The following COPS8 variants were observed in gnomAD, a reference collection of about 807,000 sequenced individuals.
The protein encoded by COPS8 is COP9 signalosome complex subunit 8.
A neutral mutation model predicts 31.5 loss-of-function variants in COPS8; 11 were observed. The ratio of observed to expected loss-of-function variants is 0.35; its 90% CI spans 0.22 to 0.58. COPS8 has a LOEUF of 0.58. COPS8 is among the 20% of genes least tolerant of loss of function. The pLI is 0.83. For synonymous variants in COPS8, 81 were observed against 89.3 expected (o/e 0.91, Z 0.52); for missense variants, 215 against 255.1 (o/e 0.84, Z 1.07).
At position 237,099,610 on chromosome 2, in the gene COPS8, T is replaced by C. The variant is rs1002846757; in HGVS notation, c.*1868T>C. 6.6e-6 allele frequency: 1 copy of C among 152,148 alleles called. No homozygotes were observed. The highest frequency in any genetic ancestry group is 2.4e-5 in the African/African-American group (1 of 41,412). 9.4% of individuals were successfully genotyped at this position (152,148 alleles called of 1,614,324 possible). ...GACATGGAAACCTCATTATATGCTT[T>C]ATTTTTCTTTGTAAACAGTAAATAT... On this transcript the variant is annotated 3_prime_UTR_variant, in exon 8 of 8. Transcript: ENST00000354371.
At chr2:237,086,359 T>C (rs1317296369) in intron 1 of COPS8, among the ~76,000 whole-genome samples, 1 of 151,950 alleles carries the variant, frequency 6.6e-6, no homozygotes, top group Admixed American at 6.6e-5. Flanking sequence ...TGGGAGAGGG[T>C]AGTAAAGTGG....
rs62184774 is a variant in COPS8 at position 237,093,308 on chromosome 2, A to T, written c.332-782A>T. ...GTTAGGGTGTTTGTTTTACATATGT[A>T]CACTGGCCTATTAAATATGGAAAGT... On this transcript the variant is annotated intron_variant, in intron 4 of 7. Coordinates refer to ENST00000354371, the MANE Select transcript of COPS8 (RefSeq NM_006710.5). Among the ~76,000 whole-genome samples the T allele has an allele frequency of 5.5e-3, 839 of 152,368 alleles. 4 individuals carry two copies. Among genetic ancestry groups the T allele is most frequent in the Admixed American group, 0.012 (188 of 15,310 alleles).
chr2:237,098,642 T>C lies in COPS8; in HGVS notation c.*900T>C, dbSNP rs1454978667. 6.6e-6 allele frequency: 1 copy of C among 152,232 alleles called. No homozygotes were observed. Among genetic ancestry groups the C allele is most frequent in the Non-Finnish European group, 1.5e-5 (1 of 68,042 alleles). 9.4% of individuals were successfully genotyped at this position (152,232 alleles called of 1,614,324 possible). A position where few individuals can be genotyped will look rare whatever the true frequency, so the allele number is the denominator to read the frequency against. The stretch of plus-strand genomic sequence containing the variant: ...TTGTAACTTAAGGTTATAACAGCCC[T>C]TAGTTCATTTACTCTGCATTTGTTC... On this transcript the variant is annotated 3_prime_UTR_variant, in exon 8 of 8. Transcript: ENST00000354371.
intron 4 of COPS8, chr2:237,093,589 C>A: frequency 1.5e-6 from 1 of 658,716 alleles, no homozygotes; most frequent in Non-Finnish European, 1.9e-6. Context: ...GGATTTTGAA[C>A]CTTAATTCAG....
intron 2 of COPS8, chr2:237,087,522 G>T: frequency 3.2e-6 from 1 of 316,816 alleles, no homozygotes; most frequent in Non-Finnish European, 6.5e-6. Flanking sequence ...CAAAAGAAGT[G>T]AAAAGAGAAG....
At position 237,094,082 on chromosome 2, in the gene COPS8, C is replaced by A; in HGVS notation, c.332-8C>A. The A allele has an allele frequency of 6.2e-7, 1 of 1,612,448 alleles. No homozygotes were observed. The highest frequency in any genetic ancestry group is 8.5e-7 in the Non-Finnish European group (1 of 1,179,154). On this transcript the variant is annotated splice_polypyrimidine_tract_variant and splice_region_variant and intron_variant, in intron 4 of 7. Coordinates refer to ENST00000354371, the MANE Select transcript of COPS8 (RefSeq NM_006710.5). Reference sequence around the variant, plus strand: ...TCACTCTCTGCCAACCCACCACTCCCACAATAGATGCAACAAGGAGACGCG... The same window carrying A: ...TCACTCTCTGCCAACCCACCACTCCAACAATAGATGCAACAAGGAGACGCG...
At chr2:237,094,257 G>A in intron 5 of COPS8, 60 bp downstream of exon 5, 1 of 1,454,018 alleles carries the variant, frequency 6.9e-7, no homozygotes, top group Non-Finnish European at 9.6e-7. Context: ...TGAATTGTAG[G>A]TTCACAGTCT....
chr2:237,094,138 C>G lies in COPS8; in HGVS notation c.380C>G (p.Ser127Ter). 6.2e-7 allele frequency: 1 copy of G among 1,614,052 alleles called. No individual in the cohort carries two copies. Residue 127 changes from serine (S) to a stop codon, truncating the protein, a stop_gained, in exon 5 of 8, where the codon TCA becomes TGA. Coordinates refer to ENST00000354371, the MANE Select transcript of COPS8 (RefSeq NM_006710.5). LOFTEE classifies it high-confidence loss of function. ...GCCCTGGTCTCTCAAGCGTATACTT[C>G]AATCATCGCCGATGATTTTGCAGCC... ...AFALVSQAYT[S>*]IIADDFAAFV...
chr2:237,093,610 G>C, intron 4 of COPS8: 1 of 791,360 alleles, frequency 1.3e-6, no homozygotes, highest in Non-Finnish European at 1.5e-6. Context: ...TCAAGAGTTT[G>C]ATGCAGACTT....
At chr2:237,095,994 C>T in intron 6 of COPS8, 110 bp downstream of exon 6, 1 of 720,532 alleles carries the variant, frequency 1.4e-6, no homozygotes, top group Non-Finnish European at 2.5e-6. Context: ...TATACTAACA[C>T]AATGGAAATA....
At chr2:237,096,032 G>A (rs1009843135) in intron 6 of COPS8, 148 bp downstream of exon 6, 13 of 589,180 alleles carry the variant, frequency 2.2e-5, no homozygotes, top group Middle Eastern at 3.0e-4. Context: ...CGTAGTAGAC[G>A]GGGTAGAAAG....
chr2:237,099,470 T>G lies in COPS8; in HGVS notation c.*1728T>G, dbSNP rs1377431782. ...CTAAGGACAGAAAAAAATCTTAGAC[T>G]AATGAATGTGGTTTTTCATGATTAA... On this transcript the variant is annotated 3_prime_UTR_variant, in exon 8 of 8. Coordinates refer to ENST00000354371, the MANE Select transcript of COPS8 (RefSeq NM_006710.5). 6.6e-6 allele frequency: 1 copy of G among 152,214 alleles called. No homozygotes were observed. Among genetic ancestry groups the G allele is most frequent in the Non-Finnish European group, 1.5e-5 (1 of 68,030 alleles). The allele number at this position is 152,214 out of a possible 1,614,324, so 9.4% of individuals were successfully genotyped here. A position where few individuals can be genotyped will look rare whatever the true frequency, so the allele number is the denominator to read the frequency against.
chr2:237,087,545 A>G (rs985405763), intron 2 of COPS8: 1 of 290,116 alleles, frequency 3.4e-6, no homozygotes, highest in East Asian at 1.1e-4. Flanking sequence ...TGCAGCCAAG[A>G]GGAATTCGTT....
intron 2 of COPS8, 165 bp downstream of exon 2, chr2:237,087,362 T>C (rs1476350323): frequency 1.8e-5 from 10 of 562,516 alleles, no homozygotes; most frequent in Non-Finnish European, 3.2e-5. Flanking sequence ...TAATGAATTA[T>C]GATTAGGTCG....
chr2:237,088,876 C>G (rs758202282), intron 3 of COPS8, among the ~76,000 whole-genome samples: 1 of 152,072 alleles, frequency 6.6e-6, no homozygotes, highest in East Asian at 1.9e-4. Flanking sequence ...TTTCTTGAGA[C>G]GCTTTTATGT....
rs1263891380 is a variant in COPS8, at chr2:237,086,056, T to C, written c.78+14T>C. The C allele has an allele frequency of 1.2e-6, 2 of 1,611,060 alleles. No individual in the cohort carries two copies. Among genetic ancestry groups the C allele is most frequent in the Admixed American group, 3.3e-5 (2 of 59,856 alleles). On this transcript the variant is annotated intron_variant, in intron 1 of 7. Coordinates refer to ENST00000354371, the MANE Select transcript of COPS8 (RefSeq NM_006710.5). ...CAGGAGCTCGAGGTAACCCTTTGCGTCGCGCTGGGAGAAACTGCGGAGTAG... is the reference window on the plus strand; with the variant it reads ...CAGGAGCTCGAGGTAACCCTTTGCGCCGCGCTGGGAGAAACTGCGGAGTAG...
intron 6 of COPS8, among the ~76,000 whole-genome samples, chr2:237,096,174 G>C (rs1233388776): frequency 6.6e-6 from 1 of 151,868 alleles, no homozygotes; most frequent in African/African-American, 2.4e-5. Context: ...ATTTGTAACT[G>C]AGCTTATCCT....
chr2:237,095,969 G>A (rs1696793039), intron 6 of COPS8, 85 bp downstream of exon 6: 11 of 939,156 alleles, frequency 1.2e-5, no homozygotes, highest in Non-Finnish European at 1.9e-5. Flanking sequence ...TTGATAATTG[G>A]ATGTAAAATT....
At chr2:237,090,076 G>A (rs1696679666) in intron 4 of COPS8, 82 bp downstream of exon 4, 2 of 1,420,284 alleles carry the variant, frequency 1.4e-6, no homozygotes, top group Non-Finnish European at 1.9e-6. Context: ...TAAATCAGTG[G>A]TGTGTGTTTA....
Sources: gnomAD v4.1 joint callset for allele counts (sites outside exome capture counted in the v4.1 genomes callset) on GRCh38, gnomAD v4.1.1 for gene constraint, MANE v1.5 for transcripts, NCBI Gene and HGNC (gene_info 2026-07-23, HGNC 2026-07-21) for gene names.